Variants in CCSER1 observed in about 807,000 individuals in gnomAD.
CCSER1 encodes serine-rich coiled-coil domain-containing protein 1.
Under a neutral mutation model 82.0 loss-of-function variants are expected in CCSER1, and 41 were observed. The observed-to-expected ratio is 0.50, with a 90% confidence interval of 0.39 to 0.65. The LOEUF (loss-of-function observed/expected upper bound fraction) is 0.65, where lower values mean the gene tolerates loss of function less well. Ranked by LOEUF, CCSER1 falls within the 30% of genes least tolerant of loss-of-function variation. CCSER1 has a pLI of 0.00. For synonymous variants in CCSER1, 414 were observed against 383.9 expected, an observed-to-expected ratio of 1.08 and a Z score of -0.92; for missense variants, 1,119 against 1,064.2, an observed-to-expected ratio of 1.05 and a Z score of -0.72.
rs756804085 is a variant in CCSER1 at position 90,971,183 on chromosome 4, G to T, written c.2172+47736G>T. On this transcript the variant is annotated intron_variant, in intron 9 of 10. Coordinates refer to ENST00000509176, the MANE Select transcript of CCSER1 (RefSeq NM_001145065.2). The stretch of plus-strand genomic sequence containing the variant: ...ACCGCATTATTTATGGGGAAAAGAA[G>T]TTTAATTGACTCACAGTTCCACAGG... Among the ~76,000 whole-genome samples, 5 of 152,038 alleles carry T rather than the reference G, an allele frequency of 3.3e-5. No individual in the cohort carries two copies. The South Asian group carries it at 1.0e-3, about 32-fold the overall frequency.
intron 5 of CCSER1, among the ~76,000 whole-genome samples, chr4:90,494,143 C>T (rs754828289): frequency 1.7e-4 from 26 of 152,176 alleles, no homozygotes; most frequent in African/African-American, 5.5e-4. Context: ...GACTTTAAAC[C>T]GACAAAGGTC....
intron 10 of CCSER1, among the ~76,000 whole-genome samples, chr4:91,459,883 T>C (rs1006830948): frequency 3.9e-5 from 6 of 152,148 alleles, no homozygotes; most frequent in African/African-American, 1.4e-4. Context: ...ATATAATAAC[T>C]TTCCTATGAT....
At chr4:90,611,493 CA>C (rs1472716948) in intron 5 of CCSER1, among the ~76,000 whole-genome samples, 1 of 151,686 alleles carries the variant, frequency 6.6e-6, no homozygotes, top group Non-Finnish European at 1.5e-5. Flanking sequence ...AAAATGATCC[CA>C]GGGGTAGAAG....
At chr4:90,259,189 C>A (rs545752075) in intron 1 of CCSER1, among the ~76,000 whole-genome samples, 2 of 151,964 alleles carry the variant, frequency 1.3e-5, no homozygotes, top group Non-Finnish European at 2.9e-5. Context: ...ATAGTTTTCA[C>A]CTTTTTAGTT....
chr4:90,218,341 A>G (rs1214693713), intron 1 of CCSER1, among the ~76,000 whole-genome samples: 3 of 152,160 alleles, frequency 2.0e-5, no homozygotes, highest in South Asian at 2.1e-4. Flanking sequence ...TATTTTGTAT[A>G]GTATTTAACT....
intron 10 of CCSER1, among the ~76,000 whole-genome samples, chr4:91,181,389 T>G (rs1468487121): frequency 6.6e-6 from 1 of 152,196 alleles, no homozygotes; most frequent in Non-Finnish European, 1.5e-5. Flanking sequence ...TGCTAATCTG[T>G]CTGTAACTCC....
intron 1 of CCSER1, among the ~76,000 whole-genome samples, chr4:90,281,907 A>G (rs760791590): frequency 1.1e-4 from 16 of 152,086 alleles, no homozygotes; most frequent in Non-Finnish European, 1.9e-4. Flanking sequence ...CACCATGGGA[A>G]TACCCGTGAT....
intron 10 of CCSER1, among the ~76,000 whole-genome samples, chr4:91,164,535 G>C (rs1731815658): frequency 6.6e-6 from 1 of 152,068 alleles, no homozygotes; most frequent in Non-Finnish European, 1.5e-5. Flanking sequence ...TTTTCAACTT[G>C]GTTCCATTCT....
chr4:90,910,689 G>A (rs1028359498), intron 8 of CCSER1, among the ~76,000 whole-genome samples: 3 of 152,286 alleles, frequency 2.0e-5, no homozygotes, highest in East Asian at 3.9e-4. Flanking sequence ...TCCAGATGTT[G>A]TATTATTGAT....
intron 9 of CCSER1, among the ~76,000 whole-genome samples, chr4:91,069,016 A>T (rs1046527166): frequency 6.6e-6 from 1 of 152,066 alleles, no homozygotes; most frequent in African/African-American, 2.4e-5. Flanking sequence ...TTTACAAAAA[A>T]TACAAAAATT....
chr4:91,396,921 C>A (rs1198167089), intron 10 of CCSER1, among the ~76,000 whole-genome samples: 2 of 151,840 alleles, frequency 1.3e-5, no homozygotes, highest in Non-Finnish European at 2.9e-5. Flanking sequence ...TGAAAAGGAC[C>A]ATTGACCCTC....
At chr4:91,156,989 A>G (rs61239846) in intron 10 of CCSER1, among the ~76,000 whole-genome samples, 8 of 152,038 alleles carry the variant, frequency 5.3e-5, no homozygotes, top group Admixed American at 3.3e-4. Context: ...CTGATGGTCA[A>G]TTTACTCTTC....
chr4:91,472,674 A>G (rs550652935), intron 10 of CCSER1, among the ~76,000 whole-genome samples: 1 of 152,286 alleles, frequency 6.6e-6, no homozygotes, highest in South Asian at 2.1e-4. Context: ...CATAGGCACA[A>G]TCTCTTCGAC....
At chr4:90,478,396 A>T (rs1274511663) in intron 5 of CCSER1, among the ~76,000 whole-genome samples, 1 of 152,180 alleles carries the variant, frequency 6.6e-6, no homozygotes, top group East Asian at 1.9e-4. Flanking sequence ...AGATGTTTCT[A>T]TCATTTTCTT....
At chr4:91,060,111 G>C (rs1168224966) in intron 9 of CCSER1, among the ~76,000 whole-genome samples, 1 of 151,906 alleles carries the variant, frequency 6.6e-6, no homozygotes, top group Non-Finnish European at 1.5e-5. Context: ...CATTTGTTTA[G>C]CTCTGAAAAA....
At chr4:91,138,756 C>A (rs1448853333) in intron 10 of CCSER1, among the ~76,000 whole-genome samples, 3 of 145,706 alleles carry the variant, frequency 2.1e-5, no homozygotes, top group Non-Finnish European at 4.5e-5. Flanking sequence ...AACAAACAAC[C>A]CCATCAAAAA....
chr4:90,368,404 G>A (rs1275805843), intron 3 of CCSER1, among the ~76,000 whole-genome samples: 1 of 151,876 alleles, frequency 6.6e-6, no homozygotes, highest in Non-Finnish European at 1.5e-5. Context: ...TGGAGACCAG[G>A]GCAGGAGGAT....
At chr4:90,717,690 G>A (rs971265522) in intron 6 of CCSER1, among the ~76,000 whole-genome samples, 4 of 151,022 alleles carry the variant, frequency 2.6e-5, no homozygotes, top group Non-Finnish European at 5.9e-5. Context: ...ACACACATTA[G>A]ACACTGAAAA....
At chr4:90,579,020 A>AGAT (rs59270827) in intron 5 of CCSER1, among the ~76,000 whole-genome samples, 1 of 151,084 alleles carries the variant, frequency 6.6e-6, no homozygotes, top group Non-Finnish European at 1.5e-5. Context: ...GTCTATTAAA[A>AGAT]AAAGCTTGAC....
Sources: gnomAD v4.1 joint callset for allele counts (sites outside exome capture counted in the v4.1 genomes callset) on GRCh38, gnomAD v4.1.1 for gene constraint, MANE v1.5 for transcripts, NCBI Gene and HGNC (gene_info 2026-07-23, HGNC 2026-07-21) for gene names.